The following CLYBL variants were observed in gnomAD, a reference collection of about 807,000 sequenced individuals.
CLYBL encodes citramalyl-CoA lyase.
Under a neutral mutation model 38.9 loss-of-function variants are expected in CLYBL, and 31 were observed. That is an observed-to-expected ratio of 0.80 (90% CI 0.60 to 1.08). CLYBL has a LOEUF of 1.08. Ranked by LOEUF, CLYBL falls within the 50% of genes least tolerant of loss-of-function variation. CLYBL has a pLI of 0.00. For synonymous variants in CLYBL, 171 were observed against 158.6 expected, an observed-to-expected ratio of 1.08 and a Z score of -0.59; for missense variants, 434 against 411.6, an observed-to-expected ratio of 1.05 and a Z score of -0.47.
intron 2 of CLYBL, among the ~76,000 whole-genome samples, chr13:99,810,605 T>C (rs984801808): frequency 1.3e-5 from 2 of 152,170 alleles, no homozygotes; most frequent in African/African-American, 4.8e-5. Context: ...GGACTTGGAC[T>C]GCAGTGAGGA....
At chr13:99,885,830 C>T (rs1049097331) in intron 7 of CLYBL, among the ~76,000 whole-genome samples, 8 of 152,184 alleles carry the variant, frequency 5.3e-5, no homozygotes, top group African/African-American at 1.4e-4. Flanking sequence ...CATCATCTTC[C>T]GCCTTTCCTG....
At chr13:99,661,407 A>C (rs529565002) in intron 1 of CLYBL, among the ~76,000 whole-genome samples, 1 of 152,154 alleles carries the variant, frequency 6.6e-6, no homozygotes, top group East Asian at 1.9e-4. Context: ...TTCTTGAAAA[A>C]CTGAGATCAA....
chr13:99,851,812 A>G (rs546436531), intron 2 of CLYBL, among the ~76,000 whole-genome samples: 2 of 152,318 alleles, frequency 1.3e-5, no homozygotes, highest in African/African-American at 4.8e-5. Context: ...TACAGTTACC[A>G]TATGACCCAG....
intron 1 of CLYBL, among the ~76,000 whole-genome samples, chr13:99,662,577 AC>A (rs1460745440): frequency 7.4e-6 from 1 of 134,486 alleles, no homozygotes; most frequent in Non-Finnish European, 1.7e-5. Context: ...TTTTAGAGGA[AC>A]CCTTTTTTTT....
At chr13:99,909,198 C>T (rs571331125) in exon 10 of CLYBL, among the ~76,000 whole-genome samples, 1 of 152,328 alleles carries the variant, frequency 6.6e-6, no homozygotes, top group South Asian at 2.1e-4. Flanking sequence ...AGAGGCTGCA[C>T]TGTGTCATTT....
At chr13:99,875,028 A>G (rs1331919205) in intron 7 of CLYBL, among the ~76,000 whole-genome samples, 3 of 152,202 alleles carry the variant, frequency 2.0e-5, no homozygotes, top group Admixed American at 6.5e-5. Flanking sequence ...TTTGATTCAT[A>G]TCATGGCTGT....
At chr13:99,723,113 G>T (rs1332209983) in intron 1 of CLYBL, among the ~76,000 whole-genome samples, 3 of 152,204 alleles carry the variant, frequency 2.0e-5, no homozygotes, top group Non-Finnish European at 4.4e-5. Flanking sequence ...TGGCTCTTGT[G>T]CAGGGCTGCA....
intron 1 of CLYBL, among the ~76,000 whole-genome samples, chr13:99,647,648 T>C (rs1161853107): frequency 6.6e-6 from 1 of 152,182 alleles, no homozygotes; most frequent in Admixed American, 6.5e-5. Flanking sequence ...ATTTTTCCAC[T>C]CGAGTGTTTT....
chr13:99,863,461 T>TTG (rs2051660572), intron 4 of CLYBL, among the ~76,000 whole-genome samples: 1 of 98,482 alleles, frequency 1.0e-5, no homozygotes, highest in African/African-American at 3.6e-5. Context: ...AATGTTCTTT[T>TTG]CTATCAAATG....
chr13:99,716,787 C>CTTTTTTTTTTTTTTT (rs1260332084), intron 1 of CLYBL, among the ~76,000 whole-genome samples: 3 of 100,916 alleles, frequency 3.0e-5, no homozygotes, highest in African/African-American at 1.1e-4. Flanking sequence ...CTTTTCTTTT[C>CTTTTTTTTTTTTTTT]TTTTTTTTTT....
chr13:99,692,326 C>T (rs1425803290), intron 1 of CLYBL, among the ~76,000 whole-genome samples: 2 of 149,424 alleles, frequency 1.3e-5, no homozygotes, highest in African/African-American at 2.5e-5. Context: ...CAGTCTTGCT[C>T]AGTCACCCAG....
chr13:99,786,358 C>T (rs1202416047), intron 2 of CLYBL, among the ~76,000 whole-genome samples: 1 of 152,042 alleles, frequency 6.6e-6, no homozygotes, highest in African/African-American at 2.4e-5. Context: ...CCTTCCCCCT[C>T]CCCCAACCCC....
intron 7 of CLYBL, among the ~76,000 whole-genome samples, chr13:99,876,144 G>A (rs2052035349): frequency 7.0e-6 from 1 of 143,728 alleles, no homozygotes; most frequent in Non-Finnish European, 1.5e-5. Flanking sequence ...TTAATAGGCC[G>A]GGTGCAGTGG....
At chr13:99,619,012 T>G (rs996474500) in intron 1 of CLYBL, among the ~76,000 whole-genome samples, 3 of 152,214 alleles carry the variant, frequency 2.0e-5, no homozygotes, top group African/African-American at 7.2e-5. Flanking sequence ...ATGTTCTATG[T>G]GGAGCACAGA....
intron 1 of CLYBL, among the ~76,000 whole-genome samples, chr13:99,761,344 C>T (rs200035888): frequency 2.0e-5 from 3 of 152,266 alleles, no homozygotes; most frequent in East Asian, 1.9e-4. Flanking sequence ...CAGAGTGAGA[C>T]GCCAACTCAA....
At chr13:99,792,191 A>G (rs1435890624) in intron 2 of CLYBL, among the ~76,000 whole-genome samples, 2 of 152,196 alleles carry the variant, frequency 1.3e-5, no homozygotes, top group African/African-American at 4.8e-5. Context: ...GAAGAAAGGG[A>G]AAAAGAAAAA....
At chr13:99,706,228 C>G (rs981175369) in intron 1 of CLYBL, among the ~76,000 whole-genome samples, 1 of 151,638 alleles carries the variant, frequency 6.6e-6, no homozygotes, top group African/African-American at 2.4e-5. Context: ...CCGTGCCTGA[C>G]GTATTTTGCC....
intron 2 of CLYBL, among the ~76,000 whole-genome samples, chr13:99,805,806 C>T (rs2138962523): frequency 6.6e-6 from 1 of 152,266 alleles, no homozygotes; most frequent in Non-Finnish European, 1.5e-5. Flanking sequence ...CCACCAAGCT[C>T]ACACAAAATT....
At chr13:99,870,786 G>T in intron 6 of CLYBL, 152 bp from the exon 7 acceptor site, 1 of 672,314 alleles carries the variant, frequency 1.5e-6, no homozygotes, top group Non-Finnish European at 2.4e-6. Flanking sequence ...TGCAGGTTTT[G>T]TTTGTTTTGT....
Sources: gnomAD v4.1 joint callset for allele counts (sites outside exome capture counted in the v4.1 genomes callset) on GRCh38, gnomAD v4.1.1 for gene constraint, MANE v1.5 for transcripts, NCBI Gene and HGNC (gene_info 2026-07-23, HGNC 2026-07-21) for gene names.